PRELID2: variants seen among roughly 807,000 people sequenced by gnomAD.
PRELID2 encodes PRELI domain-containing protein 2.
PRELID2 carries 25 observed loss-of-function variants against 28.4 expected under a neutral mutation model. The observed-to-expected ratio is 0.88, with a 90% confidence interval of 0.64 to 1.23. The LOEUF (loss-of-function observed/expected upper bound fraction) is 1.23, where lower values mean the gene tolerates loss of function less well. PRELID2 is among the 50% of genes most tolerant of loss of function. The pLI, the probability that PRELID2 is intolerant of heterozygous loss-of-function variation, is 0.00. For missense variants in PRELID2, 201 were observed against 214.4 expected (o/e 0.94, Z 0.39); for synonymous variants, 76 against 71.6 (o/e 1.06, Z -0.31).
intron 1 of PRELID2, among the ~76,000 whole-genome samples, chr5:145,519,630 A>G (rs1426632908): frequency 1.3e-5 from 2 of 152,196 alleles, no homozygotes; most frequent in African/African-American, 4.8e-5. Flanking sequence ...TGATAAACCA[A>G]TTGAGTAGGA....
chr5:145,387,351 G>A, the PRELID2 span, among the ~76,000 whole-genome samples: 3 of 152,026 alleles, frequency 2.0e-5, no homozygotes, highest in South Asian at 4.2e-4. Context: ...ATAATGGAAG[G>A]GATGACCTCT....
the PRELID2 span, among the ~76,000 whole-genome samples, chr5:145,295,373 T>A: frequency 6.6e-6 from 1 of 152,286 alleles, no homozygotes; most frequent in East Asian, 1.9e-4. Flanking sequence ...GTGGTTTAAG[T>A]CAGTGTTACA....
chr5:145,272,839 C>T, the PRELID2 span, among the ~76,000 whole-genome samples: 1 of 151,950 alleles, frequency 6.6e-6, no homozygotes, highest in Non-Finnish European at 1.5e-5. Context: ...AAATTTTTCG[C>T]TTACTCGTTA....
the PRELID2 span, among the ~76,000 whole-genome samples, chr5:145,393,908 A>G: frequency 2.0e-5 from 3 of 152,174 alleles, no homozygotes; most frequent in African/African-American, 7.2e-5. Context: ...TTGCAGACAT[A>G]CATTAAAAAC....
chr5:145,391,581 C>G, the PRELID2 span, among the ~76,000 whole-genome samples: 3 of 152,270 alleles, frequency 2.0e-5, no homozygotes, highest in South Asian at 2.1e-4. Flanking sequence ...CTCTGACATG[C>G]CCTGGAGATA....
In PRELID2 at chr5:145,675,798, G is replaced by A. The variant is rs575309383; in HGVS notation, n.70+89133C>T. 1.2e-4 allele frequency among the ~76,000 whole-genome samples: 19 copies of A among 152,188 alleles called. No homozygotes were observed. In the South Asian group the frequency reaches 2.7e-3, roughly 22 times the overall value. ...TTTACAGAAAATGTTTGCTGAACTC[G>A]GCTATGAACCAGCAAGGTACATCCA... On this transcript the variant is annotated intron_variant and non_coding_transcript_variant, in intron 1 of 2. Transcript: ENST00000510259.
At chr5:145,664,098 G>A (rs905650003) in intron 1 of PRELID2, among the ~76,000 whole-genome samples, 4 of 152,068 alleles carry the variant, frequency 2.6e-5, no homozygotes, top group Non-Finnish European at 5.9e-5. Context: ...GTAAAATGAA[G>A]GAAATATTGA....
At position 145,604,886 on chromosome 5, in the gene PRELID2, T is replaced by TAC. The variant is rs1247138061; in HGVS notation, n.71-131572_71-131571insGT. 3.8e-3 allele frequency among the ~76,000 whole-genome samples: 528 copies of TAC among 139,412 alleles called. 18 individuals are homozygous for TAC. Among genetic ancestry groups the TAC allele is most frequent in the African/African-American group, 0.013 (471 of 36,932 alleles). The allele number at this position is 139,412 out of a possible 152,430, so 91.5% of individuals were successfully genotyped here. A position where few individuals can be genotyped will look rare whatever the true frequency, so the allele number is the denominator to read the frequency against. ...TATTTTAATATGCTTGTTGGCCATA[T>TAC]ATATATATATATATATATTCTATTG... On this transcript the variant is annotated intron_variant and non_coding_transcript_variant, in intron 1 of 2. Transcript: ENST00000510259.
At chr5:145,660,459 A>G (rs1266022346) in intron 1 of PRELID2, among the ~76,000 whole-genome samples, 1 of 152,198 alleles carries the variant, frequency 6.6e-6, no homozygotes, top group Admixed American at 6.5e-5. Context: ...AATAAAGCCC[A>G]AAAGTAAATT....
intron 1 of PRELID2, among the ~76,000 whole-genome samples, chr5:145,514,936 T>A (rs549078230): frequency 3.3e-4 from 50 of 152,148 alleles, no homozygotes; most frequent in African/African-American, 1.1e-3. Flanking sequence ...AAGGCAGAAA[T>A]AAATAAGTTC....
At chr5:145,583,545 T>C (rs1359080038) in intron 1 of PRELID2, among the ~76,000 whole-genome samples, 1 of 152,098 alleles carries the variant, frequency 6.6e-6, no homozygotes, top group Non-Finnish European at 1.5e-5. Context: ...GAAAACCCTA[T>C]CATCTCAGCC....
chr5:145,743,687 G>A (rs1290199136), intron 1 of PRELID2, among the ~76,000 whole-genome samples: 7 of 152,154 alleles, frequency 4.6e-5, no homozygotes, highest in Non-Finnish European at 1.0e-4. Context: ...CAACCCGTGG[G>A]TCGGAAGATC....
intron 1 of PRELID2, among the ~76,000 whole-genome samples, chr5:145,666,541 G>T (rs1754598581): frequency 6.6e-6 from 1 of 152,006 alleles, no homozygotes; most frequent in African/African-American, 2.4e-5. Flanking sequence ...GAGTTTATTT[G>T]CATCTTTTCC....
intron 5 of PRELID2, among the ~76,000 whole-genome samples, chr5:145,773,895 T>C (rs1758253898): frequency 6.6e-6 from 1 of 152,232 alleles, no homozygotes; most frequent in South Asian, 2.1e-4. Context: ...AAATAATAAA[T>C]AAATCTAACA....
chr5:145,491,214 G>T (rs1752265726), intron 1 of PRELID2, among the ~76,000 whole-genome samples: 1 of 152,096 alleles, frequency 6.6e-6, no homozygotes, highest in African/African-American at 2.4e-5. Flanking sequence ...GGGCTGGAAA[G>T]TCCAAGATCA....
intron 1 of PRELID2, among the ~76,000 whole-genome samples, chr5:145,531,051 C>T (rs1752651060): frequency 2.0e-5 from 3 of 152,088 alleles, no homozygotes; most frequent in African/African-American, 7.2e-5. Flanking sequence ...AAGCCTTGGG[C>T]TTTAATTCTG....
chr5:145,371,696 C>T, the PRELID2 span, among the ~76,000 whole-genome samples: 66 of 151,734 alleles, frequency 4.3e-4, no homozygotes, highest in Middle Eastern at 6.8e-3. Flanking sequence ...GTACCAGCTC[C>T]TCCTTGTACC....
At chr5:145,362,823 A>G in the PRELID2 span, among the ~76,000 whole-genome samples, 2 of 152,122 alleles carry the variant, frequency 1.3e-5, no homozygotes, top group Non-Finnish European at 1.5e-5. Context: ...CTGCCATGAA[A>G]GGAATAGATC....
chr5:145,817,446 T>TATCA (rs1554099474), intron 4 of PRELID2, among the ~76,000 whole-genome samples: 2,140 of 140,264 alleles, frequency 0.015, 76 homozygotes, highest in Non-Finnish European at 0.021. Flanking sequence ...TATATATATA[T>TATCA]ATCACATGGT....
Sources: allele counts gnomAD v4.1 joint callset (sites outside exome capture counted in the v4.1 genomes callset), GRCh38; gene constraint gnomAD v4.1.1; transcripts MANE v1.5; gene names NCBI Gene and HGNC (gene_info 2026-07-23, HGNC 2026-07-21).